The following TTC29 variants were observed in gnomAD, a reference collection of about 807,000 sequenced individuals.
The protein encoded by TTC29 is tetratricopeptide repeat domain 29, also known as tetratricopeptide repeat protein 29.
In TTC29, 49 loss-of-function variants were observed where a neutral mutation model predicts 58.1. The ratio of observed to expected loss-of-function variants is 0.84; its 90% CI spans 0.67 to 1.07. The LOEUF (loss-of-function observed/expected upper bound fraction) is 1.07. Ranked by LOEUF, TTC29 falls within the 50% of genes least tolerant of loss-of-function variation. The pLI, the probability that TTC29 is intolerant of heterozygous loss-of-function variation, is 0.00. For missense variants in TTC29, 582 were observed against 555.6 expected, an observed-to-expected ratio of 1.05 and a Z score of -0.48; for synonymous variants, 209 against 196.8, an observed-to-expected ratio of 1.06 and a Z score of -0.52.
intron 11 of TTC29, among the ~76,000 whole-genome samples, chr4:146,762,542 G>C (rs909274218): frequency 1.3e-5 from 2 of 151,796 alleles, no homozygotes; most frequent in African/African-American, 2.4e-5. Context: ...CTATTAACTG[G>C]TATGTTCTAT....
intron 11 of TTC29, among the ~76,000 whole-genome samples, chr4:146,744,610 G>C (rs976404558): frequency 1.3e-5 from 2 of 152,084 alleles, no homozygotes; most frequent in African/African-American, 4.8e-5. Flanking sequence ...TACTCCATCA[G>C]CACAGTGTGG....
At chr4:146,756,678 G>A (rs1222129729) in intron 11 of TTC29, among the ~76,000 whole-genome samples, 1 of 151,366 alleles carries the variant, frequency 6.6e-6, no homozygotes, top group Non-Finnish European at 1.5e-5. Flanking sequence ...CTTAGGTTTG[G>A]TCATTTAACA....
chr4:146,894,815 C>A (rs760041292), intron 6 of TTC29, among the ~76,000 whole-genome samples: 1 of 152,050 alleles, frequency 6.6e-6, no homozygotes. Flanking sequence ...TGTGCCTACT[C>A]CTTTGATACC....
intron 4 of TTC29, among the ~76,000 whole-genome samples, chr4:146,928,200 G>A (rs1431598298): frequency 1.3e-5 from 2 of 152,130 alleles, no homozygotes; most frequent in African/African-American, 4.8e-5. Flanking sequence ...ATTTTCAGAG[G>A]CAGAATGGTA....
intron 8 of TTC29, among the ~76,000 whole-genome samples, chr4:146,841,765 T>C (rs963930161): frequency 1.3e-5 from 2 of 152,106 alleles, no homozygotes; most frequent in East Asian, 3.9e-4. Context: ...CCAAACATCA[T>C]AGGCTTTTGA....
Position 146,909,066 on chromosome 4 carries a change from C to T in TTC29, c.360G>A (p.Leu120=), listed in dbSNP as rs1347393507. Residue 120 remains leucine, a synonymous_variant, in exon 5 of 13, where the codon CTG becomes CTA. Coordinates refer to ENST00000325106, the MANE Select transcript of TTC29 (RefSeq NM_031956.4). ...LEEQPDKLDY[L]YHYLTRAEDA... is the part of the protein sequence containing the mutation. ...CCTCAGCCCTGGTCAGGTAATGGTACAGGTAATCCAGTTTATCAGGCTGCT... is the reference window on the plus strand; with the variant it reads ...CCTCAGCCCTGGTCAGGTAATGGTATAGGTAATCCAGTTTATCAGGCTGCT... 6 of 1,613,824 alleles carry T rather than the reference C, an allele frequency of 3.7e-6. No homozygotes were observed. The African/African-American group carries it at 4.0e-5, about 11-fold the overall frequency.
At chr4:146,916,074 T>C (rs1012279452) in intron 4 of TTC29, among the ~76,000 whole-genome samples, 1 of 151,890 alleles carries the variant, frequency 6.6e-6, no homozygotes, top group Non-Finnish European at 1.5e-5. Flanking sequence ...GATAATTACA[T>C]TGACTTAAAT....
At chr4:146,915,458 C>G (rs1734161668) in intron 4 of TTC29, among the ~76,000 whole-genome samples, 3 of 152,118 alleles carry the variant, frequency 2.0e-5, no homozygotes, top group African/African-American at 7.2e-5. Context: ...AGAGAGCAGA[C>G]AGCCAGCAGC....
intron 4 of TTC29, among the ~76,000 whole-genome samples, chr4:146,916,555 A>C (rs980266796): frequency 2.6e-5 from 4 of 151,690 alleles, no homozygotes; most frequent in African/African-American, 9.7e-5. Context: ...TAAGATTTTT[A>C]GAATTCTTAA....
At chr4:146,739,747 A>T (rs910800890) in intron 11 of TTC29, among the ~76,000 whole-genome samples, 1 of 152,174 alleles carries the variant, frequency 6.6e-6, no homozygotes, top group Non-Finnish European at 1.5e-5. Flanking sequence ...TCCACTTTTG[A>T]CCAATAAATG....
At chr4:146,786,649 T>C (rs1370686447) in intron 11 of TTC29, among the ~76,000 whole-genome samples, 1 of 152,204 alleles carries the variant, frequency 6.6e-6, no homozygotes, top group East Asian at 1.9e-4. Flanking sequence ...GGGGGTAATA[T>C]TTTGTTTTTC....
chr4:146,849,709 G>A (rs1729395352), intron 8 of TTC29, among the ~76,000 whole-genome samples: 3 of 151,254 alleles, frequency 2.0e-5, no homozygotes, highest in South Asian at 2.1e-4. Context: ...GACCTCCAAG[G>A]TCAGCTATGA....
At chr4:146,919,291 A>G (rs1223805868) in intron 4 of TTC29, among the ~76,000 whole-genome samples, 1 of 151,164 alleles carries the variant, frequency 6.6e-6, no homozygotes, top group African/African-American at 2.4e-5. Context: ...CTTCTCTACT[A>G]TAGAAAAACC....
intron 11 of TTC29, among the ~76,000 whole-genome samples, chr4:146,735,885 T>C (rs1332615649): frequency 1.3e-5 from 2 of 151,994 alleles, no homozygotes; most frequent in Non-Finnish European, 2.9e-5. Context: ...AACAAGACAA[T>C]AGGGAAAGGC....
At position 146,794,588 on chromosome 4, in the gene TTC29, T is replaced by A. The variant is rs146571896; in HGVS notation, c.1330+8869A>T. 4.2e-3 allele frequency among the ~76,000 whole-genome samples: 638 copies of A among 152,156 alleles called. 4 individuals are homozygous for A. Among genetic ancestry groups the A allele is most frequent in the Middle Eastern group, 0.017 (5 of 294 alleles). ...TTTCTTTTCCTATTGATCTTGAAGC[T>A]TCATTTCATTTCATTTTTCCCCACT... On this transcript the variant is annotated intron_variant, in intron 11 of 12. Coordinates refer to ENST00000325106, the MANE Select transcript of TTC29 (RefSeq NM_031956.4).
intron 8 of TTC29, among the ~76,000 whole-genome samples, chr4:146,839,728 C>CT (rs146584580): frequency 0.057 from 8,456 of 149,062 alleles, 813 homozygotes; most frequent in African/African-American, 0.2. Flanking sequence ...AAAGGAAAAT[C>CT]TTTTTTTTTT....
At chr4:146,787,257 G>T (rs1170596193) in intron 11 of TTC29, among the ~76,000 whole-genome samples, 1 of 152,014 alleles carries the variant, frequency 6.6e-6, no homozygotes, top group Non-Finnish European at 1.5e-5. Context: ...AGTTTATTTG[G>T]GTTGTTAAGA....
At chr4:146,866,371 A>G (rs776745614) in intron 8 of TTC29, among the ~76,000 whole-genome samples, 4 of 152,096 alleles carry the variant, frequency 2.6e-5, no homozygotes, top group African/African-American at 4.8e-5. Flanking sequence ...TTGCTGTTCT[A>G]TCATTGTGGA....
chr4:146,906,525 C>A (rs771448822), intron 5 of TTC29, among the ~76,000 whole-genome samples: 1 of 152,132 alleles, frequency 6.6e-6, no homozygotes, highest in African/African-American at 2.4e-5. Flanking sequence ...ATATTCTAGG[C>A]TTACATACAC....
Sources: gnomAD v4.1 joint callset for allele counts (sites outside exome capture counted in the v4.1 genomes callset) on GRCh38, gnomAD v4.1.1 for gene constraint, MANE v1.5 for transcripts, NCBI Gene and HGNC (gene_info 2026-07-23, HGNC 2026-07-21) for gene names.